Variants in SNAPC5 observed in about 807,000 individuals in gnomAD.
The protein encoded by SNAPC5 is small nuclear RNA activating complex polypeptide 5, also known as snRNA-activating protein complex subunit 5.
Under a neutral mutation model 9.1 loss-of-function variants are expected in SNAPC5, and 12 were observed. The ratio of observed to expected loss-of-function variants is 1.32; its 90% CI spans 0.85 to 2.15. The LOEUF (loss-of-function observed/expected upper bound fraction) is 2.15, where lower values mean the gene tolerates loss of function less well. Ranked by LOEUF, SNAPC5 falls within the 30% of genes most tolerant of loss-of-function variation. The pLI, the probability that SNAPC5 is intolerant of heterozygous loss-of-function variation, is 0.00. For synonymous variants in SNAPC5, 52 were observed against 47.3 expected, an observed-to-expected ratio of 1.10 and a Z score of -0.41; for missense variants, 132 against 114.4, an observed-to-expected ratio of 1.15 and a Z score of -0.70.
At chr15:66,495,018 C>G (rs1379559684) in intron 2 of SNAPC5, 1 of 392,384 alleles carries the variant, frequency 2.5e-6, no homozygotes, top group Non-Finnish European at 4.7e-6. Flanking sequence ...CACAAAAAAT[C>G]AAGAGTTTTG....
chr15:66,489,790 C>G (rs778361656), downstream of SNAPC5: 1 of 1,584,246 alleles, frequency 6.3e-7, no homozygotes, highest in Non-Finnish European at 8.7e-7. Flanking sequence ...CGGATTCTTA[C>G]AGTACCTGTT....
chr15:66,497,528 C>T (rs778451057), intron 1 of SNAPC5, 114 bp downstream of exon 1: 15 of 908,306 alleles, frequency 1.7e-5, no homozygotes, highest in Non-Finnish European at 2.8e-5. Flanking sequence ...GCCACCACAG[C>T]TAGTGAGTAG....
At chr15:66,495,459 C>T (rs1342683414) in intron 1 of SNAPC5, 40 bp from the exon 2 acceptor site, 36 of 1,095,508 alleles carry the variant, frequency 3.3e-5, no homozygotes, top group Non-Finnish European at 5.1e-5. Context: ...CTTACTATTT[C>T]ACTGGACTAC....
downstream of SNAPC5, chr15:66,489,958 G>A (rs534101025): frequency 7.5e-5 from 49 of 656,724 alleles, no homozygotes; most frequent in East Asian, 8.2e-4. Context: ...GGTGACCCCC[G>A]CAGCCTGAGT....
chr15:66,494,381 C>T lies in SNAPC5; in HGVS notation c.*55G>A, dbSNP rs1273648827. ...AGATGATTTCCTTGAGGAGAAGTAG[C>T]CTGAGCCTTAGAAATGCAATTTGTA... On this transcript the variant is annotated 3_prime_UTR_variant, in exon 3 of 3. Transcript: ENST00000316634. 2 of 1,184,532 alleles carry T rather than the reference C, an allele frequency of 1.7e-6. No homozygotes were observed. Among genetic ancestry groups the T allele is most frequent in the East Asian group, 2.3e-5 (1 of 42,896 alleles). 73.4% of individuals were successfully genotyped at this position (1,184,532 alleles called of 1,614,324 possible).
At chr15:66,495,069 C>A (rs1158309728) in intron 2 of SNAPC5, 3 of 489,760 alleles carry the variant, frequency 6.1e-6, no homozygotes, top group Non-Finnish European at 1.1e-5. Context: ...CCGGGTTCAT[C>A]TGAGTAACTA....
At chr15:66,495,550 A>G in intron 1 of SNAPC5, 131 bp from the exon 2 acceptor site, 1 of 639,702 alleles carries the variant, frequency 1.6e-6, no homozygotes, top group East Asian at 2.7e-5. Context: ...GTTGCTCTAG[A>G]GGGAAAGTTG....
intron 1 of SNAPC5, 194 bp downstream of exon 1, chr15:66,497,448 G>A (rs1893474572): frequency 1.6e-6 from 1 of 627,782 alleles, no homozygotes; most frequent in East Asian, 2.7e-5. Context: ...GAAAGATAGG[G>A]CCTAAGAAGC....
intron 1 of SNAPC5, among the ~76,000 whole-genome samples, chr15:66,495,653 G>A (rs1175351134): frequency 2.6e-5 from 4 of 152,212 alleles, no homozygotes; most frequent in African/African-American, 9.7e-5. Flanking sequence ...TGTTCTGGCT[G>A]AGTCATGGCT....
chr15:66,492,414 T>C (rs983086155), downstream of SNAPC5: 1 of 159,896 alleles, frequency 6.3e-6, no homozygotes, highest in African/African-American at 2.4e-5. Context: ...GTGTTGTATA[T>C]ACTGCTGCCT....
chr15:66,495,729 AT>A lies in SNAPC5; in HGVS notation c.91-311del, dbSNP rs531186473. Among the ~76,000 whole-genome samples, 17 of 138,782 alleles carry A rather than the reference AT, an allele frequency of 1.2e-4. 1 individual carries two copies. In the South Asian group the frequency reaches 3.7e-3, roughly 30 times the overall value. The allele number at this position is 138,782 out of a possible 152,430, so 91.0% of individuals were successfully genotyped here. On this transcript the variant is annotated intron_variant, in intron 1 of 2. Transcript: ENST00000316634. ...CATTAAAACAGCCAGGTGTCATCTG[AT>A]TCCTCAGAGAGAGAGATTCCCTGGA...
At chr15:66,495,574 T>C (rs932292010) in intron 1 of SNAPC5, among the ~76,000 whole-genome samples, 155 bp from the exon 2 acceptor site, 1 of 152,210 alleles carries the variant, frequency 6.6e-6, no homozygotes, top group African/African-American at 2.4e-5. Context: ...GGGTAGGCTC[T>C]TAGGTTTTCT....
chr15:66,495,095 G>T, intron 2 of SNAPC5: 1 of 530,412 alleles, frequency 1.9e-6, no homozygotes, highest in Non-Finnish European at 3.4e-6. Context: ...AATGGATGAC[G>T]AGGAGGATGG....
chr15:66,490,543 T>C, downstream of SNAPC5: 2 of 1,614,136 alleles, frequency 1.2e-6, no homozygotes, highest in Non-Finnish European at 1.7e-6. Flanking sequence ...AGGAAGTGGA[T>C]TTTGCAGGTT....
intron 2 of SNAPC5, 106 bp downstream of exon 2, chr15:66,495,224 C>T (rs1325628487): frequency 3.7e-6 from 3 of 811,688 alleles, no homozygotes; most frequent in East Asian, 2.4e-5. Context: ...TCTCAGAGCC[C>T]TTTGGGCTAG....
In SNAPC5 at chr15:66,494,268, T is replaced by C; in HGVS notation, c.*168A>G. ...TCTGTATGTCATAACATTCTGAAGCTTGAGTTACCGATGGAGCCATTTTTG... is the reference window on the plus strand; with the variant it reads ...TCTGTATGTCATAACATTCTGAAGCCTGAGTTACCGATGGAGCCATTTTTG... On this transcript the variant is annotated 3_prime_UTR_variant, in exon 3 of 3. Coordinates refer to ENST00000316634, the MANE Select transcript of SNAPC5 (RefSeq NM_001329615.2). The C allele has an allele frequency of 1.6e-6, 1 of 641,858 alleles. No homozygotes were observed. Among genetic ancestry groups the C allele is most frequent in the East Asian group, 2.6e-5 (1 of 38,880 alleles). The allele number at this position is 641,858 out of a possible 1,614,324, so 39.8% of individuals were successfully genotyped here.
downstream of SNAPC5, chr15:66,490,791 T>C (rs1567028707): frequency 5.8e-6 from 4 of 691,202 alleles, no homozygotes; most frequent in Non-Finnish European, 1.1e-5. Context: ...CTGTCTTTAT[T>C]CTTATTACTA....
Position 66,495,436 on chromosome 15 carries a change from G to C in SNAPC5, c.91-17C>G, listed in dbSNP as rs1893394592. On this transcript the variant is annotated splice_polypyrimidine_tract_variant and intron_variant, in intron 1 of 2. Transcript: ENST00000316634. Reference sequence around the variant, plus strand: ...TTCTTCAACCTAGAAAAGAAGAGTTGAGGACACTTTTCCTTACTATTTCAC... The same window carrying C: ...TTCTTCAACCTAGAAAAGAAGAGTTCAGGACACTTTTCCTTACTATTTCAC... 1 of 1,446,286 alleles carries C rather than the reference G, an allele frequency of 6.9e-7. No individual in the cohort carries two copies. The highest frequency in any genetic ancestry group is 9.7e-7 in the Non-Finnish European group (1 of 1,026,760). The allele number at this position is 1,446,286 out of a possible 1,614,324, so 89.6% of individuals were successfully genotyped here.
downstream of SNAPC5, chr15:66,491,001 A>T: frequency 2.4e-6 from 1 of 424,942 alleles, no homozygotes. Flanking sequence ...GTGGTACTTT[A>T]TTCTTGCTGG....
Sources: gnomAD v4.1 joint callset for allele counts (sites outside exome capture counted in the v4.1 genomes callset) on GRCh38, gnomAD v4.1.1 for gene constraint, MANE v1.5 for transcripts, NCBI Gene and HGNC (gene_info 2026-07-23, HGNC 2026-07-21) for gene names.